The following MDH1B variants were observed in gnomAD, a reference collection of about 807,000 sequenced individuals.
MDH1B encodes malate dehydrogenase 1B.
A neutral mutation model predicts 61.4 loss-of-function variants in MDH1B; 60 were observed. That is an observed-to-expected ratio of 0.98 (90% confidence interval 0.79 to 1.21). MDH1B has a LOEUF of 1.21. Ranked by LOEUF, MDH1B falls within the 50% of genes most tolerant of loss-of-function variation. The pLI, the probability that MDH1B is intolerant of heterozygous loss-of-function variation, is 0.00. For missense variants in MDH1B, 587 were observed against 632.1 expected (o/e 0.93, Z 0.76); for synonymous variants, 236 against 218.7 (o/e 1.08, Z -0.70).
Position 206,755,255 on chromosome 2 carries a change from C to T in MDH1B, c.664G>A (p.Val222Met). ...CGGAGGCAGTCCTCCAGAGTGAACA[C>T]CTCCTTGTTGGTGCTGTCATCCAGC... ...VVLDDSTNKE[V>M]FTLEDCLRSR... Residue 222 changes from valine (V) to methionine (M), a missense_variant, in exon 5 of 12, where the codon GTG becomes ATG. By Grantham distance (21) the Val-to-Met change is conservative. Coordinates refer to ENST00000374412, the MANE Select transcript of MDH1B (RefSeq NM_001039845.3). The T allele has an allele frequency of 3.7e-6, 6 of 1,614,208 alleles. No homozygotes were observed. The highest frequency in any genetic ancestry group is 5.1e-6 in the Non-Finnish European group (6 of 1,180,030).
intron 8 of MDH1B, 56 bp downstream of exon 8, chr2:206,746,231 G>C: frequency 6.8e-7 from 1 of 1,476,564 alleles, no homozygotes; most frequent in Non-Finnish European, 9.1e-7. Context: ...TGGCCTAGGA[G>C]AATCAGTTTA....
chr2:206,748,103 G>A (rs571939696), intron 7 of MDH1B, among the ~76,000 whole-genome samples: 10 of 152,288 alleles, frequency 6.6e-5, no homozygotes, highest in East Asian at 1.9e-4. Flanking sequence ...GAAGTCAGCC[G>A]GGCGTGGTGG....
At position 206,742,966 on chromosome 2, in the gene MDH1B, C is replaced by T. The variant is rs142144610; in HGVS notation, c.1409-1862G>A. Among the ~76,000 whole-genome samples, 675 of 152,222 alleles carry T rather than the reference C, an allele frequency of 4.4e-3. 7 individuals carry two copies. Among genetic ancestry groups the T allele is most frequent in the East Asian group, 0.02 (103 of 5,178 alleles). ...TCCTGACTTTGTGATCTGCCCACCT[C>T]GGCCTCCCAAAGTGCTGGGATTACA... is the stretch of plus-strand genomic sequence containing the variant. On this transcript the variant is annotated intron_variant, in intron 9 of 11. Coordinates refer to ENST00000374412, the MANE Select transcript of MDH1B (RefSeq NM_001039845.3).
At chr2:206,743,098 C>T (rs999041979) in intron 9 of MDH1B, among the ~76,000 whole-genome samples, 2 of 152,146 alleles carry the variant, frequency 1.3e-5, no homozygotes, top group African/African-American at 2.4e-5. Context: ...GTTGAAGGAA[C>T]ACAGAGTTGG....
At chr2:206,755,779 TGCAGAA>T in intron 4 of MDH1B, among the ~76,000 whole-genome samples, 1 of 152,264 alleles carries the variant, frequency 6.6e-6, no homozygotes, top group South Asian at 2.1e-4. Flanking sequence ...ATTCCCCCTA[TGCAGAA>T]ATCAAAATAA....
intron 1 of MDH1B, among the ~76,000 whole-genome samples, chr2:206,763,694 A>G (rs765576573): frequency 9.9e-5 from 15 of 152,186 alleles, no homozygotes; most frequent in Non-Finnish European, 1.8e-4. Flanking sequence ...CTTCAGTCCT[A>G]ATAAACTTAT....
chr2:206,744,910 G>A (rs890371528), intron 9 of MDH1B, among the ~76,000 whole-genome samples: 4 of 151,612 alleles, frequency 2.6e-5, no homozygotes, highest in Admixed American at 6.6e-5. Flanking sequence ...GGGCAACAGA[G>A]CAAGACTCTG....
chr2:206,745,908 A>G (rs983121977), intron 8 of MDH1B, among the ~76,000 whole-genome samples: 6 of 151,576 alleles, frequency 4.0e-5, no homozygotes, highest in Admixed American at 2.6e-4. Flanking sequence ...TAATTTTTCT[A>G]TTTTTAATAG....
intron 1 of MDH1B, among the ~76,000 whole-genome samples, chr2:206,761,424 G>A (rs1272320754): frequency 6.6e-6 from 1 of 152,096 alleles, no homozygotes; most frequent in Non-Finnish European, 1.5e-5. Flanking sequence ...TGGATTTGAT[G>A]TGTGTCAGGA....
At chr2:206,753,272 T>C (rs1688555120) in intron 5 of MDH1B, among the ~76,000 whole-genome samples, 2 of 152,150 alleles carry the variant, frequency 1.3e-5, no homozygotes, top group African/African-American at 4.8e-5. Flanking sequence ...GGGAAAAAAG[T>C]TCTCTACTTG....
chr2:206,751,937 C>A (rs983419046), intron 5 of MDH1B, among the ~76,000 whole-genome samples: 3 of 152,214 alleles, frequency 2.0e-5, no homozygotes, highest in Non-Finnish European at 4.4e-5. Context: ...AGATTAACTT[C>A]TTCCCTCTTC....
intron 4 of MDH1B, 52 bp downstream of exon 4, chr2:206,756,846 T>C: frequency 6.3e-7 from 1 of 1,596,344 alleles, no homozygotes; most frequent in Non-Finnish European, 8.6e-7. Flanking sequence ...CTCATTGTCC[T>C]TTCTAAATAT....
At chr2:206,753,386 G>A (rs535255086) in intron 5 of MDH1B, among the ~76,000 whole-genome samples, 2 of 152,230 alleles carry the variant, frequency 1.3e-5, no homozygotes, top group East Asian at 3.9e-4. Context: ...GTGCTTAAGT[G>A]ATCCTCCCGC....
chr2:206,764,109 G>T (rs1211892918), intron 1 of MDH1B, among the ~76,000 whole-genome samples: 2 of 151,966 alleles, frequency 1.3e-5, no homozygotes, highest in Non-Finnish European at 2.9e-5. Context: ...GACCAGCGTG[G>T]GCAACATGAC....
chr2:206,750,169 G>A (rs919548165), intron 6 of MDH1B, among the ~76,000 whole-genome samples: 28 of 152,026 alleles, frequency 1.8e-4, no homozygotes, highest in Non-Finnish European at 4.4e-5. Context: ...CTGGGAAAGT[G>A]CTGCAAAGTT....
chr2:206,751,890 T>G (rs920399460), intron 5 of MDH1B, among the ~76,000 whole-genome samples: 2 of 152,232 alleles, frequency 1.3e-5, no homozygotes, highest in Admixed American at 6.5e-5. Context: ...GCCTAAAAAC[T>G]TAATCACTTT....
At chr2:206,746,518 T>C (rs1372112753) in intron 7 of MDH1B, 92 bp from the exon 8 acceptor site, 24 of 1,314,832 alleles carry the variant, frequency 1.8e-5, no homozygotes, top group Non-Finnish European at 2.2e-5. Flanking sequence ...ACAGACATAG[T>C]ATAGGATTTT....
At chr2:206,759,776 T>C (rs1197748766) in intron 2 of MDH1B, among the ~76,000 whole-genome samples, 4 of 152,152 alleles carry the variant, frequency 2.6e-5, no homozygotes, top group South Asian at 2.1e-4. Context: ...ATTGAGATGA[T>C]AAAATCCTGA....
In MDH1B at chr2:206,738,244, C is replaced by A; in HGVS notation, c.*239G>T. ...GTAATATAAAAAATAGCATTTGACA[C>A]CAAAATAGTTCTAAGAAAATGCAAT... On this transcript the variant is annotated 3_prime_UTR_variant, in exon 12 of 12. Transcript: ENST00000374412. The A allele has an allele frequency of 2.8e-6, 1 of 359,204 alleles. No homozygotes were observed. Among genetic ancestry groups the A allele is most frequent in the South Asian group, 1.0e-4 (1 of 10,018 alleles). The allele number at this position is 359,204 out of a possible 1,614,324, so 22.3% of individuals were successfully genotyped here. A position where few individuals can be genotyped will look rare whatever the true frequency, so the allele number is the denominator to read the frequency against.
Sources: gnomAD v4.1 joint callset for allele counts (sites outside exome capture counted in the v4.1 genomes callset) on GRCh38, gnomAD v4.1.1 for gene constraint, MANE v1.5 for transcripts, NCBI Gene and HGNC (gene_info 2026-07-23, HGNC 2026-07-21) for gene names.